The following ZNF518A variants were observed in gnomAD, a reference collection of about 807,000 sequenced individuals.
The protein encoded by ZNF518A is zinc finger protein 518.
A neutral mutation model predicts 102.7 loss-of-function variants in ZNF518A; 47 were observed. That is an observed-to-expected ratio of 0.46 (90% CI 0.36 to 0.58). The LOEUF (loss-of-function observed/expected upper bound fraction) is 0.58, where lower values mean the gene tolerates loss of function less well. Among genes scored for constraint, ZNF518A ranks in the 20% least tolerant of loss-of-function variants. The probability of loss-of-function intolerance (pLI) is 0.00; values close to 1 mark genes in which losing one functional copy is unlikely to be tolerated. For synonymous variants in ZNF518A, 652 were observed against 594.6 expected, an observed-to-expected ratio of 1.10 and a Z score of -1.40; for missense variants, 1,793 against 1,699.8, an observed-to-expected ratio of 1.05 and a Z score of -0.96.
At chr10:96,150,316 AGAGT>A (rs1221264276) in intron 3 of ZNF518A, among the ~76,000 whole-genome samples, 2 of 148,378 alleles carry the variant, frequency 1.3e-5, no homozygotes, top group African/African-American at 5.0e-5. Flanking sequence ...CCTGGGTGAC[AGAGT>A]GAGACTCCAT....
At chr10:96,202,853 C>A (rs587598805) in intron 1 of ZNF518A, among the ~76,000 whole-genome samples, 1 of 152,180 alleles carries the variant, frequency 6.6e-6, no homozygotes, top group Non-Finnish European at 1.5e-5. Flanking sequence ...TTTCAACATG[C>A]GTGCATCTCG....
rs749288327 is a variant in ZNF518A at position 96,152,965 on chromosome 10, G to A, written c.-301-2361G>A. On this transcript the variant is annotated intron_variant, in intron 3 of 5. Coordinates refer to ENST00000316045, the MANE Select transcript of ZNF518A (RefSeq NM_001330736.2). Reference sequence around the variant, plus strand: ...GGGGAATTGACTGATGTGATTATGGGGGCTGAGAAATCCTGTAAGAGGTTG... The same window carrying A: ...GGGGAATTGACTGATGTGATTATGGAGGCTGAGAAATCCTGTAAGAGGTTG... 2.5e-3 allele frequency among the ~76,000 whole-genome samples: 377 copies of A among 152,276 alleles called. 1 individual carries two copies. Among genetic ancestry groups the A allele is most frequent in the Non-Finnish European group, 3.5e-3 (237 of 68,024 alleles).
At chr10:96,150,679 AGTTATTACTT>A (rs1481200909) in intron 3 of ZNF518A, among the ~76,000 whole-genome samples, 2 of 135,760 alleles carry the variant, frequency 1.5e-5, no homozygotes, top group Non-Finnish European at 3.2e-5. Context: ...TGAGGTTGCT[AGTTATTACTT>A]GATTTTTTTT....
intron 1 of ZNF518A, among the ~76,000 whole-genome samples, chr10:96,188,081 C>T (rs112668847): frequency 0.079 from 12,058 of 152,230 alleles, 979 homozygotes; most frequent in African/African-American, 0.21. Flanking sequence ...AACTCCTGGC[C>T]TCAAGTGATC....
intron 1 of ZNF518A, among the ~76,000 whole-genome samples, chr10:96,185,934 G>A (rs981485731): frequency 3.3e-5 from 5 of 152,216 alleles, no homozygotes; most frequent in Admixed American, 2.0e-4. Context: ...AATGGCAGAC[G>A]CCTCTCCCCC....
At chr10:96,173,186 C>T (rs2083183379) in intron 1 of ZNF518A, among the ~76,000 whole-genome samples, 1 of 152,096 alleles carries the variant, frequency 6.6e-6, no homozygotes, top group Non-Finnish European at 1.5e-5. Context: ...TTAGTTTCCA[C>T]AAGAGCTTCT....
At chr10:96,185,685 C>T (rs150907562) in intron 1 of ZNF518A, among the ~76,000 whole-genome samples, 9 of 152,310 alleles carry the variant, frequency 5.9e-5, no homozygotes, top group Middle Eastern at 3.4e-3. Flanking sequence ...CTGGAAGCTT[C>T]GTCTCAGATG....
intron 3 of ZNF518A, among the ~76,000 whole-genome samples, chr10:96,150,941 C>T (rs1022800160): frequency 5.9e-5 from 9 of 151,432 alleles, no homozygotes; most frequent in Admixed American, 1.3e-4. Flanking sequence ...TTAGTAGAGA[C>T]GGGGTTTCAC....
In ZNF518A at chr10:96,158,811, C is replaced by T. The variant is rs782282722; in HGVS notation, c.2489C>T (p.Ser830Leu). ...AGAGAAGGCAAAATTGTTGAATCTT[C>T]GAAAGATTTCAAAGTGCAAGGCATC... The part of the protein sequence containing the change: ...HEREGKIVES[S>L]KDFKVQGIFP... Residue 830 changes from serine (S) to leucine (L), a missense_variant, in exon 6 of 6, where the codon TCG (serine) becomes TTG (leucine). This residue lies in a region of ZNF518A where 1,741 missense variants were observed against 1,622.6 expected (regional missense o/e 1.07). Coordinates refer to ENST00000316045, the MANE Select transcript of ZNF518A (RefSeq NM_001330736.2). 3.4e-5 allele frequency: 55 copies of T among 1,613,540 alleles called. No individual in the cohort carries two copies. The Admixed American group carries it at 6.8e-4, about 20-fold the overall frequency.
At chr10:96,174,910 C>T (rs187472819) in intron 1 of ZNF518A, among the ~76,000 whole-genome samples, 76 of 152,144 alleles carry the variant, frequency 5.0e-4, no homozygotes, top group African/African-American at 1.8e-3. Flanking sequence ...TAGATGAGGT[C>T]GTGAAGATAG....
chr10:96,167,266 G>A (rs782406789), downstream of ZNF518A, among the ~76,000 whole-genome samples: 1 of 152,056 alleles, frequency 6.6e-6, no homozygotes, highest in African/African-American at 2.4e-5. Flanking sequence ...TTTGAGACCA[G>A]CCTGGCCAAA....
At chr10:96,135,122 G>A (rs1554873934) in intron 3 of ZNF518A, 1 of 152,184 alleles carries the variant, frequency 6.6e-6, no homozygotes, top group African/African-American at 2.4e-5. Flanking sequence ...ATGGTTGAAT[G>A]CTAGGACAAA....
At chr10:96,204,154 T>C, downstream of ZNF518A, 2 of 1,516,550 alleles carry the variant, frequency 1.3e-6, no homozygotes, top group Non-Finnish European at 1.8e-6. Flanking sequence ...ACTTTTTGTT[T>C]ACACTGATGA....
intron 3 of ZNF518A, among the ~76,000 whole-genome samples, chr10:96,152,372 G>C (rs142023618): frequency 4.6e-5 from 7 of 152,312 alleles, no homozygotes; most frequent in African/African-American, 1.7e-4. Flanking sequence ...GTAGTAAAAA[G>C]AGCATTAGCT....
At chr10:96,145,603 G>A (rs2133429650) in intron 3 of ZNF518A, among the ~76,000 whole-genome samples, 1 of 152,308 alleles carries the variant, frequency 6.6e-6, no homozygotes, top group Admixed American at 6.5e-5. Context: ...AGTGTTCTCT[G>A]CAGTGGTATG....
Position 96,157,505 on chromosome 10 carries a change from C to T in ZNF518A, c.1183C>T (p.Pro395Ser), listed in dbSNP as rs1473256355. ...APESESEKPTPLSTGQGNRAE... is the reference protein window; with the variant it reads ...APESESEKPTSLSTGQGNRAE... ...TGAATCAGAGTCAGAGAAGCCAACTCCTCTGTCCACTGGGCAAGGTAATAG... is the reference window on the plus strand; with the variant it reads ...TGAATCAGAGTCAGAGAAGCCAACTTCTCTGTCCACTGGGCAAGGTAATAG... The change falls in exon 6 of 6, where the codon CCT becomes TCT. Residue 395 changes from proline to serine, a missense_variant. Physicochemically the swap from Pro to Ser is moderately conservative, Grantham distance 74 (BLOSUM62 -1). Coordinates refer to ENST00000316045, the MANE Select transcript of ZNF518A (RefSeq NM_001330736.2). 1 of 1,613,780 alleles carries T rather than the reference C, an allele frequency of 6.2e-7. No homozygotes were observed. The highest frequency in any genetic ancestry group is 8.5e-7 in the Non-Finnish European group (1 of 1,179,766).
chr10:96,201,100 T>C (rs2083621188), intron 1 of ZNF518A: 1 of 1,537,530 alleles, frequency 6.5e-7, no homozygotes, highest in Non-Finnish European at 9.0e-7. Flanking sequence ...TCTTCATATT[T>C]CTTGAACTCT....
intron 1 of ZNF518A, among the ~76,000 whole-genome samples, chr10:96,177,367 G>A (rs587626033): frequency 2.6e-5 from 4 of 152,230 alleles, no homozygotes; most frequent in South Asian, 4.1e-4. Context: ...GCACAACTGC[G>A]CTACCTTAAA....
chr10:96,189,251 C>T (rs1438780334), intron 1 of ZNF518A: 1 of 389,524 alleles, frequency 2.6e-6, no homozygotes. Flanking sequence ...ATTTATTAAA[C>T]ACAGTAGGGA....
Sources: gnomAD v4.1 joint callset for allele counts (sites outside exome capture counted in the v4.1 genomes callset) on GRCh38, gnomAD v4.1.1 for gene constraint, gnomAD v4.1.1 regional missense constraint, MANE v1.5 for transcripts, NCBI Gene and HGNC (gene_info 2026-07-23, HGNC 2026-07-21) for gene names.